Variants in PTPRD observed in about 807,000 individuals in gnomAD.
PTPRD encodes protein tyrosine phosphatase receptor type D, also known as receptor-type tyrosine-protein phosphatase delta.
In PTPRD, 34 loss-of-function variants were observed where a neutral mutation model predicts 214.5. That is an observed-to-expected ratio of 0.16 (90% CI 0.12 to 0.21). The LOEUF is 0.21. PTPRD is among the 10% of genes least tolerant of loss of function. The pLI is 1.00. For synonymous variants in PTPRD, 1,128 were observed against 845.7 expected (o/e 1.33, Z -5.79); for missense variants, 2,545 against 2,398.7 (o/e 1.06, Z -1.27).
rs143024534 is a variant in PTPRD, at chr9:10,053,568, G to C, written c.-544-19778C>G. Among the ~76,000 whole-genome samples the C allele has an allele frequency of 1.7e-3, 258 of 152,270 alleles. 2 individuals carry two copies. Among genetic ancestry groups the C allele is most frequent in the Admixed American group, 6.9e-3 (105 of 15,284 alleles). The stretch of plus-strand genomic sequence containing the variant: ...TACTATAGATAATGAATCCCATCAA[G>C]AAACAATGACCTCATAAATGAACAG... On this transcript the variant is annotated intron_variant, in intron 3 of 45. Coordinates refer to ENST00000381196, the MANE Select transcript of PTPRD (RefSeq NM_002839.4).
intron 5 of PTPRD, among the ~76,000 whole-genome samples, chr9:9,920,165 C>T (rs2153867064): frequency 6.6e-6 from 1 of 152,186 alleles, no homozygotes; most frequent in South Asian, 2.1e-4. Flanking sequence ...GTGTCTCAGG[C>T]ACTTGCTCTT....
At chr9:9,361,699 A>G (rs1379059464) in intron 9 of PTPRD, among the ~76,000 whole-genome samples, 1 of 151,170 alleles carries the variant, frequency 6.6e-6, no homozygotes, top group Admixed American at 6.6e-5. Flanking sequence ...ATATTATTAT[A>G]AACTACAGTC....
At chr9:10,102,252 T>C (rs1381793393) in intron 3 of PTPRD, among the ~76,000 whole-genome samples, 1 of 151,674 alleles carries the variant, frequency 6.6e-6, no homozygotes, top group Non-Finnish European at 1.5e-5. Context: ...TGGATCAAGA[T>C]ATTTCATCTA....
intron 12 of PTPRD, among the ~76,000 whole-genome samples, chr9:8,708,847 T>C (rs180840688): frequency 7.2e-5 from 11 of 152,116 alleles, no homozygotes; most frequent in Non-Finnish European, 1.2e-4. Flanking sequence ...GCAACCTAAG[T>C]GTCCATCAAT....
intron 11 of PTPRD, among the ~76,000 whole-genome samples, chr9:8,792,460 C>T (rs1380451034): frequency 1.3e-5 from 2 of 152,120 alleles, no homozygotes; most frequent in Admixed American, 1.3e-4. Flanking sequence ...TAATGGGCGG[C>T]AGAAGCATTT....
intron 3 of PTPRD, among the ~76,000 whole-genome samples, chr9:10,041,278 A>G (rs1337325255): frequency 1.3e-5 from 2 of 152,010 alleles, no homozygotes; most frequent in Non-Finnish European, 2.9e-5. Context: ...AAGACTGACT[A>G]TATCCTTGAA....
intron 12 of PTPRD, among the ~76,000 whole-genome samples, chr9:8,725,862 C>A (rs2098550788): frequency 6.6e-6 from 1 of 152,126 alleles, no homozygotes; most frequent in Non-Finnish European, 1.5e-5. Flanking sequence ...GCATTACTTA[C>A]TGCCGAGAGA....
At chr9:9,229,238 T>G (rs1181495036) in intron 9 of PTPRD, among the ~76,000 whole-genome samples, 3 of 152,134 alleles carry the variant, frequency 2.0e-5, no homozygotes, top group African/African-American at 7.2e-5. Flanking sequence ...TATATTTACT[T>G]ACATTGGAAA....
intron 3 of PTPRD, among the ~76,000 whole-genome samples, chr9:10,251,202 C>G (rs928795223): frequency 6.6e-6 from 1 of 152,012 alleles, no homozygotes; most frequent in African/African-American, 2.4e-5. Context: ...TTGGACAACC[C>G]TTATGTGACC....
At chr9:8,832,711 C>T (rs771453180) in intron 11 of PTPRD, among the ~76,000 whole-genome samples, 1 of 152,048 alleles carries the variant, frequency 6.6e-6, no homozygotes, top group Non-Finnish European at 1.5e-5. Flanking sequence ...AATGTGAAAT[C>T]TTTCAACTGT....
intron 9 of PTPRD, among the ~76,000 whole-genome samples, chr9:9,198,997 A>G (rs1011012966): frequency 2.6e-5 from 4 of 152,124 alleles, no homozygotes; most frequent in Non-Finnish European, 4.4e-5. Context: ...ATAACTTATG[A>G]TTTTTATGAT....
At chr9:8,524,730 T>C (rs1177157188) in intron 18 of PTPRD, 195 bp downstream of exon 18, 1 of 722,970 alleles carries the variant, frequency 1.4e-6, no homozygotes, top group Non-Finnish European at 2.5e-6. Context: ...GGACAGATTA[T>C]ACTCAAGAGT....
intron 2 of PTPRD, among the ~76,000 whole-genome samples, chr9:10,434,295 C>T (rs1005206869): frequency 6.6e-5 from 10 of 151,852 alleles, no homozygotes; most frequent in African/African-American, 2.4e-4. Context: ...TACCTCAAGG[C>T]ACTTTTTAAA....
At chr9:8,674,730 AT>A (rs1302608958) in intron 12 of PTPRD, among the ~76,000 whole-genome samples, 2 of 152,176 alleles carry the variant, frequency 1.3e-5, no homozygotes, top group African/African-American at 4.8e-5. Context: ...GGGCTAGATT[AT>A]GATTAAGGTA....
chr9:8,371,671 C>G (rs1256241091), intron 39 of PTPRD, among the ~76,000 whole-genome samples: 2 of 152,014 alleles, frequency 1.3e-5, no homozygotes, highest in Admixed American at 6.6e-5. Flanking sequence ...GAAATTCATG[C>G]TCAAATTTTA....
At chr9:8,674,908 T>C (rs2097369609) in intron 12 of PTPRD, among the ~76,000 whole-genome samples, 1 of 152,224 alleles carries the variant, frequency 6.6e-6, no homozygotes, top group Non-Finnish European at 1.5e-5. Context: ...CTCCTACTTC[T>C]GAGCATTACT....
In PTPRD at chr9:10,598,654, TG is replaced by T. The variant is rs1231535768; in HGVS notation, c.-600+13743del. Among the ~76,000 whole-genome samples the T allele has an allele frequency of 2.0e-5, 3 of 147,426 alleles. No homozygotes were observed. In the East Asian group the frequency reaches 6.1e-4, roughly 30 times the overall value. The stretch of plus-strand genomic sequence containing the variant: ...TTCCTCATTAGTGAATTAAATGTTT[TG>T]AACCATTTTTATATATGTATGTGTG... On this transcript the variant is annotated intron_variant, in intron 2 of 45. Transcript: ENST00000381196.
At chr9:9,407,096 A>C (rs2141689128) in intron 8 of PTPRD, among the ~76,000 whole-genome samples, 1 of 151,952 alleles carries the variant, frequency 6.6e-6, no homozygotes, top group East Asian at 1.9e-4. Flanking sequence ...AGATAGGCTT[A>C]CCACCACCAT....
chr9:10,547,068 G>A (rs184509061), intron 2 of PTPRD, among the ~76,000 whole-genome samples: 135 of 152,076 alleles, frequency 8.9e-4, no homozygotes, highest in African/African-American at 3.2e-3. Flanking sequence ...GTCATATGAC[G>A]CTTTTTCTCT....
Sources: allele counts gnomAD v4.1 joint callset (sites outside exome capture counted in the v4.1 genomes callset), GRCh38; gene constraint gnomAD v4.1.1; transcripts MANE v1.5; gene names NCBI Gene and HGNC (gene_info 2026-07-23, HGNC 2026-07-21).